The following MOCOS variants were observed in gnomAD, a reference collection of about 807,000 sequenced individuals.
MOCOS encodes molybdenum cofactor sulfurase, also known as human molybdenum cofactor sulfurase.
A neutral mutation model predicts 83.6 loss-of-function variants in MOCOS; 86 were observed. That is an observed-to-expected ratio of 1.03 (90% CI 0.86 to 1.23). The LOEUF (loss-of-function observed/expected upper bound fraction) is 1.23. Ranked by LOEUF, MOCOS falls within the 50% of genes most tolerant of loss-of-function variation. The pLI, the probability that MOCOS is intolerant of heterozygous loss-of-function variation, is 0.00. For missense variants in MOCOS, 1,120 were observed against 1,126.9 expected (o/e 0.99, Z 0.09); for synonymous variants, 445 against 434.7 (o/e 1.02, Z -0.29).
At chr18:36,242,250 G>A (rs749669566) in intron 9 of MOCOS, among the ~76,000 whole-genome samples, 2 of 152,066 alleles carry the variant, frequency 1.3e-5, no homozygotes, top group Non-Finnish European at 2.9e-5. Flanking sequence ...AGATCTCTAG[G>A]GCAGGGGCAA....
At chr18:36,261,918 GA>G (rs1035594892) in intron 13 of MOCOS, among the ~76,000 whole-genome samples, 5 of 151,562 alleles carry the variant, frequency 3.3e-5, no homozygotes, top group South Asian at 2.1e-4. Context: ...AAGAAAGGAA[GA>G]AAAAAAAGGG....
intron 2 of MOCOS, 21 bp downstream of exon 2, chr18:36,195,367 C>G (rs199927141): frequency 6.3e-7 from 1 of 1,595,124 alleles, no homozygotes; most frequent in African/African-American, 1.3e-5. Context: ...ACACCTGAAA[C>G]AGGTTTTAGT....
intron 12 of MOCOS, among the ~76,000 whole-genome samples, chr18:36,259,618 T>G (rs1041874969): frequency 6.6e-6 from 1 of 151,654 alleles, no homozygotes; most frequent in African/African-American, 2.4e-5. Flanking sequence ...GGGAATGAGA[T>G]CTCAGTGCTT....
intron 10 of MOCOS, among the ~76,000 whole-genome samples, chr18:36,250,770 A>G (rs2091618893): frequency 6.6e-6 from 1 of 152,226 alleles, no homozygotes; most frequent in Admixed American, 6.5e-5. Flanking sequence ...AGTCCATGTG[A>G]GAGAAGATAT....
intron 9 of MOCOS, among the ~76,000 whole-genome samples, chr18:36,230,650 C>T (rs1306036092): frequency 6.6e-6 from 1 of 152,196 alleles, no homozygotes; most frequent in Non-Finnish European, 1.5e-5. Flanking sequence ...AGACAGAAGC[C>T]AGTCCTCTAG....
chr18:36,264,464 C>T (rs997814938), intron 13 of MOCOS, among the ~76,000 whole-genome samples: 4 of 152,080 alleles, frequency 2.6e-5, no homozygotes, highest in Admixed American at 6.5e-5. Context: ...AGCTTTGTGG[C>T]GTTACAAAAG....
rs201029689 is a variant in MOCOS, at chr18:36,214,868, GCA to G, written c.1336-646_1336-645del. Among the ~76,000 whole-genome samples, 7 of 152,314 alleles carry G rather than the reference GCA, an allele frequency of 4.6e-5. No individual in the cohort carries two copies. In the East Asian group the frequency reaches 9.7e-4, roughly 21 times the overall value. ...TGTTCGGGTGTCTGACCCGGATCCA[GCA>G]CCAAGGTTTGTCCAGGACTGCTCCA... On this transcript the variant is annotated intron_variant, in intron 7 of 14. Coordinates refer to ENST00000261326, the MANE Select transcript of MOCOS (RefSeq NM_017947.4).
At chr18:36,201,381 G>T (rs1416861070) in intron 4 of MOCOS, among the ~76,000 whole-genome samples, 2 of 152,048 alleles carry the variant, frequency 1.3e-5, no homozygotes, top group African/African-American at 4.8e-5. Context: ...TGATAATATT[G>T]GGTCGGGTGT....
At chr18:36,199,341 G>A (rs995781986) in intron 3 of MOCOS, among the ~76,000 whole-genome samples, 2 of 152,188 alleles carry the variant, frequency 1.3e-5, no homozygotes, top group Non-Finnish European at 1.5e-5. Context: ...AAAACTAAAA[G>A]CAATGTAAAC....
intron 9 of MOCOS, among the ~76,000 whole-genome samples, chr18:36,231,380 T>C (rs2091537105): frequency 1.3e-5 from 2 of 152,196 alleles, no homozygotes; most frequent in African/African-American, 4.8e-5. Flanking sequence ...CCATTGTTAT[T>C]AAATTATTCT....
At chr18:36,204,772 T>C (rs1245945) in intron 5 of MOCOS, among the ~76,000 whole-genome samples, 151,089 of 152,194 alleles carry the variant, frequency 0.99, 75,009 homozygotes, top group East Asian at 1. Context: ...GCAGGTGGAT[T>C]ACTTGAGCCC....
At chr18:36,200,981 G>T (rs1015046506) in intron 4 of MOCOS, among the ~76,000 whole-genome samples, 14 of 152,234 alleles carry the variant, frequency 9.2e-5, no homozygotes, top group African/African-American at 3.4e-4. Flanking sequence ...TCCCCAGGCT[G>T]CAAGGGCAGG....
At chr18:36,221,620 TTC>T (rs1223016875) in intron 9 of MOCOS, among the ~76,000 whole-genome samples, 1 of 109,576 alleles carries the variant, frequency 9.1e-6, no homozygotes, top group Non-Finnish European at 2.1e-5. Context: ...TTCTGTTCTG[TTC>T]TGTTCTGTTC....
At chr18:36,217,150 A>G (rs1303368790) in intron 8 of MOCOS, among the ~76,000 whole-genome samples, 1 of 152,180 alleles carries the variant, frequency 6.6e-6, no homozygotes, top group Non-Finnish European at 1.5e-5. Context: ...TATCAGGTCA[A>G]TGGTAATTCC....
chr18:36,188,038 C>T (rs1001132434), intron 1 of MOCOS, among the ~76,000 whole-genome samples: 58 of 152,312 alleles, frequency 3.8e-4, no homozygotes, highest in Middle Eastern at 3.4e-3. Flanking sequence ...ACAGCATGTC[C>T]AGCGGCCGTG....
chr18:36,264,434 C>CA lies in MOCOS; in HGVS notation c.2410-2314dup, dbSNP rs1275824941. On this transcript the variant is annotated intron_variant, in intron 13 of 14. Transcript: ENST00000261326. ...AAGAGGTAAGAGGGTGCAGGAGCCACACTGGCTCCTCGAGGACACAGCTTT... is the reference window on the plus strand; with the variant it reads ...AAGAGGTAAGAGGGTGCAGGAGCCACAACTGGCTCCTCGAGGACACAGCTTT... 5.3e-5 allele frequency among the ~76,000 whole-genome samples: 8 copies of CA among 152,270 alleles called. No individual in the cohort carries two copies. The East Asian group carries it at 1.5e-3, about 29-fold the overall frequency.
At chr18:36,256,781 A>G in intron 11 of MOCOS, 187 bp from the exon 12 acceptor site, 1 of 603,532 alleles carries the variant, frequency 1.7e-6, no homozygotes. Flanking sequence ...GTATTCTAGA[A>G]TCTCCTTTTG....
Position 36,268,698 on chromosome 18 carries a change from G to A in MOCOS, c.*13G>A. On this transcript the variant is annotated 3_prime_UTR_variant, in exon 15 of 15. Transcript: ENST00000261326. ...TGTTACCTCCTAAAAAAAATTTTTA[G>A]CATAAAGTTTCTCTTTTACAGTGAT... 1 of 1,370,194 alleles carries A rather than the reference G, an allele frequency of 7.3e-7. No homozygotes were observed. Among genetic ancestry groups the A allele is most frequent in the Non-Finnish European group, 9.8e-7 (1 of 1,019,220 alleles). 84.9% of individuals were successfully genotyped at this position (1,370,194 alleles called of 1,614,324 possible).
rs145294379 is a variant in MOCOS, at chr18:36,215,769, C to T, written c.1589C>T (p.Ser530Leu). Residue 530 changes from serine (S) to leucine (L), a missense_variant, in exon 8 of 15, where the codon TCG (serine) becomes TTG (leucine). Physicochemically the swap from Ser to Leu is moderately radical, Grantham distance 145. Transcript: ENST00000261326. ...IPAVMGRRSL[S>L]PQEDALTGSR... ...GCTGTCATGGGCAGACGTAGCCTCT[C>T]GCCTCAGGAAGATGCCCTCACAGGC... 948 of 1,614,196 alleles carry T rather than the reference C, an allele frequency of 5.9e-4. 16 individuals are homozygous for T. The South Asian group carries it at 7.8e-3, about 13-fold the overall frequency.
Sources: allele counts gnomAD v4.1 joint callset (sites outside exome capture counted in the v4.1 genomes callset), GRCh38; gene constraint gnomAD v4.1.1; transcripts MANE v1.5; gene names NCBI Gene and HGNC (gene_info 2026-07-23, HGNC 2026-07-21).